The following OPN5 variants were observed in gnomAD, a reference collection of about 807,000 sequenced individuals.
OPN5 encodes opsin 5, also known as opsin-5.
Under a neutral mutation model 41.7 loss-of-function variants are expected in OPN5, and 18 were observed. That is an observed-to-expected ratio of 0.43 (90% CI 0.30 to 0.64). The LOEUF is 0.64. Among genes scored for constraint, OPN5 ranks in the 30% least tolerant of loss-of-function variants. OPN5 has a pLI of 0.13. For synonymous variants in OPN5, 178 were observed against 164.3 expected, an observed-to-expected ratio of 1.08 and a Z score of -0.64; for missense variants, 318 against 434.5, an observed-to-expected ratio of 0.73 and a Z score of 2.38.
At chr6:47,808,099 CTCATG>C in intron 4 of OPN5, 50 bp from the exon 5 acceptor site, 1 of 1,594,856 alleles carries the variant, frequency 6.3e-7, no homozygotes, top group Non-Finnish European at 8.6e-7. Flanking sequence ...TCGTTTCAGA[CTCATG>C]TCCTTTATCA....
chr6:47,782,334 A>G (rs1027198596), intron 1 of OPN5, 138 bp downstream of exon 1: 21 of 639,602 alleles, frequency 3.3e-5, no homozygotes, highest in Non-Finnish European at 5.6e-5. Flanking sequence ...AGAAGATGGA[A>G]TGGCATTATG....
chr6:47,824,019 C>A, exon 7 of OPN5: 1 of 1,541,472 alleles, frequency 6.5e-7, no homozygotes, highest in Non-Finnish European at 8.8e-7. Context: ...AAGAGTGCAT[C>A]TGAAGTGCTT....
At chr6:47,784,757 C>T (rs1446409133) in intron 1 of OPN5, among the ~76,000 whole-genome samples, 1 of 152,074 alleles carries the variant, frequency 6.6e-6, no homozygotes, top group Admixed American at 6.6e-5. Flanking sequence ...CATTTTCTAC[C>T]TTCCACACTT....
rs538066757 is a variant in OPN5, at chr6:47,811,982, C to A, written c.1056+251C>A. On this transcript the variant is annotated intron_variant, in intron 6 of 6. Coordinates refer to ENST00000371211, the Ensembl canonical transcript of OPN5. ...ACTTTCTTTTCTCGTACTTTAAAAC[C>A]TATTGTCATGCCAAACAGAATTGAA... 4 of 288,710 alleles carry A rather than the reference C, an allele frequency of 1.4e-5. No individual in the cohort carries two copies. In the East Asian group the frequency reaches 2.3e-4, roughly 17 times the overall value. The allele number at this position is 288,710 out of a possible 1,614,324, so 17.9% of individuals were successfully genotyped here.
chr6:47,791,285 C>T (rs9463354), intron 2 of OPN5, among the ~76,000 whole-genome samples: 22,299 of 126,722 alleles, frequency 0.18, 1,746 homozygotes, highest in South Asian at 0.21. Context: ...TAAAACTTAA[C>T]ATCTATTTCT....
In OPN5 at chr6:47,808,427, C is replaced by T. The variant is rs181938602; in HGVS notation, c.998+32C>T. ...CTTCAGAAGCTGGAAATGAATTACACTCTCTTTGTTTCAAAATCCGGCAGG... is the reference window on the plus strand; with the variant it reads ...CTTCAGAAGCTGGAAATGAATTACATTCTCTTTGTTTCAAAATCCGGCAGG... On this transcript the variant is annotated intron_variant, in intron 5 of 6. Transcript: ENST00000371211. 7.9e-5 allele frequency: 128 copies of T among 1,611,504 alleles called. No individual in the cohort carries two copies. In the African/African-American group the frequency reaches 1.5e-3, roughly 19 times the overall value.
In OPN5 at chr6:47,806,835, A is replaced by G. The variant is rs989657552; in HGVS notation, c.757-1319A>G. Among the ~76,000 whole-genome samples, 9 of 152,078 alleles carry G rather than the reference A, an allele frequency of 5.9e-5. No homozygotes were observed. The East Asian group carries it at 9.7e-4, about 16-fold the overall frequency. Reference sequence around the variant, plus strand: ...GTTTCACCACTATTTCTTTATTTCTACTTGCCAAGGTGCACGTCCTCTTTG... The same window carrying G: ...GTTTCACCACTATTTCTTTATTTCTGCTTGCCAAGGTGCACGTCCTCTTTG... On this transcript the variant is annotated intron_variant, in intron 4 of 6. Transcript: ENST00000371211.
At chr6:47,823,684 T>C in intron 6 of OPN5, 2 of 495,992 alleles carry the variant, frequency 4.0e-6, no homozygotes, top group Non-Finnish European at 7.2e-6. Context: ...TTCTAGGCAA[T>C]GCTTAGGAGT....
chr6:47,822,759 G>A (rs1762668598), intron 6 of OPN5, among the ~76,000 whole-genome samples: 1 of 152,164 alleles, frequency 6.6e-6, no homozygotes, highest in South Asian at 2.1e-4. Context: ...ATAAAAATTT[G>A]TTCATGAATT....
chr6:47,791,853 T>C (rs755177267), exon 3 of OPN5: 1 of 1,614,122 alleles, frequency 6.2e-7, no homozygotes, highest in Non-Finnish European at 8.5e-7. Flanking sequence ...CGCTGGGTGT[T>C]TGGCTGGATC....
intron 4 of OPN5, among the ~76,000 whole-genome samples, chr6:47,806,585 A>G (rs916680185): frequency 6.6e-6 from 1 of 151,990 alleles, no homozygotes; most frequent in Non-Finnish European, 1.5e-5. Context: ...ACGCCATTTT[A>G]CTCTACAGGC....
At chr6:47,818,633 CCA>C (rs536038268) in intron 6 of OPN5, among the ~76,000 whole-genome samples, 244 of 152,272 alleles carry the variant, frequency 1.6e-3, no homozygotes, top group African/African-American at 5.2e-3. Context: ...ACCACACACT[CCA>C]CAGAGATGAT....
At chr6:47,804,356 C>G (rs544973555) in intron 4 of OPN5, among the ~76,000 whole-genome samples, 2 of 151,904 alleles carry the variant, frequency 1.3e-5, no homozygotes, top group Admixed American at 6.6e-5. Flanking sequence ...GGTACAGGAG[C>G]CTGTGTTAGA....
intron 2 of OPN5, among the ~76,000 whole-genome samples, chr6:47,786,856 G>A (rs1462856138): frequency 2.0e-5 from 3 of 152,162 alleles, no homozygotes; most frequent in Non-Finnish European, 4.4e-5. Flanking sequence ...TGTGTGTCAG[G>A]CATGTTAGAT....
At chr6:47,823,616 T>G in intron 6 of OPN5, 1 of 344,894 alleles carries the variant, frequency 2.9e-6, no homozygotes, top group Non-Finnish European at 5.3e-6. Context: ...GCAGTACAGG[T>G]GAGTAGGGAG....
intron 6 of OPN5, among the ~76,000 whole-genome samples, chr6:47,816,524 G>A (rs550812851): frequency 2.6e-5 from 4 of 152,266 alleles, no homozygotes; most frequent in African/African-American, 9.6e-5. Context: ...TCTTGAGTCA[G>A]TTTTCTTCCT....
intron 2 of OPN5, chr6:47,787,047 G>A: frequency 1.0e-6 from 1 of 989,110 alleles, no homozygotes; most frequent in South Asian, 4.6e-5. Context: ...GAATCTTGAA[G>A]GGTAAATGAC....
At chr6:47,800,554 A>T (rs931285666) in intron 4 of OPN5, among the ~76,000 whole-genome samples, 9 of 152,216 alleles carry the variant, frequency 5.9e-5, no homozygotes, top group African/African-American at 2.2e-4. Context: ...CATATCTTGT[A>T]ACCTCCAGAA....
At chr6:47,797,829 A>T (rs9296585) in intron 4 of OPN5, among the ~76,000 whole-genome samples, 73,634 of 151,898 alleles carry the variant, frequency 0.48, 19,692 homozygotes, top group East Asian at 0.88. Flanking sequence ...TTTGTTACCC[A>T]TCATCTTCTC....
Sources: gnomAD v4.1 joint callset for allele counts (sites outside exome capture counted in the v4.1 genomes callset) on GRCh38, gnomAD v4.1.1 for gene constraint, MANE v1.5 for transcripts, NCBI Gene and HGNC (gene_info 2026-07-23, HGNC 2026-07-21) for gene names.